Variants in GPR179 observed in about 807,000 individuals in gnomAD.
GPR179 encodes G protein-coupled receptor 179.
In GPR179, 52 loss-of-function variants were observed where a neutral mutation model predicts 70.8. The ratio of observed to expected loss-of-function variants is 0.73; its 90% CI spans 0.59 to 0.93. The LOEUF is 0.93. GPR179 is among the 40% of genes least tolerant of loss of function. GPR179 has a pLI of 0.00. For missense variants in GPR179, 2,734 were observed against 2,966.8 expected, an observed-to-expected ratio of 0.92 and a Z score of 1.82; for synonymous variants, 1,123 against 1,169.0, an observed-to-expected ratio of 0.96 and a Z score of 0.80.
rs1327810587 is a variant in GPR179 at position 38,324,855 on chromosome 17, C to T, written c.*1610G>A. Reference sequence around the variant, plus strand: ...CAAAGGAGAGTAGGTTACTCCATTCCTCTGTTCCCTTTTGGAAATGGAGTA... The same window carrying T: ...CAAAGGAGAGTAGGTTACTCCATTCTTCTGTTCCCTTTTGGAAATGGAGTA... On this transcript the variant is annotated 3_prime_UTR_variant, in exon 11 of 11. Coordinates refer to ENST00000616987, the MANE Select transcript of GPR179 (RefSeq NM_001004334.4). Among the ~76,000 whole-genome samples the T allele has an allele frequency of 6.6e-6, 1 of 152,244 alleles. No individual in the cohort carries two copies. The highest frequency in any genetic ancestry group is 1.5e-5 in the Non-Finnish European group (1 of 68,046).
chr17:38,331,635 C>G (rs1261985891), intron 10 of GPR179, 104 bp from the exon 11 acceptor site: 2 of 1,493,652 alleles, frequency 1.3e-6, no homozygotes, highest in Admixed American at 4.8e-5. Flanking sequence ...TTAGGGATCT[C>G]TTTCCATCAA....
In GPR179 at chr17:38,326,842, G is replaced by A; in HGVS notation, c.6727C>T (p.Pro2243Ser). The A allele has an allele frequency of 6.2e-7, 1 of 1,614,202 alleles. No homozygotes were observed. The highest frequency in any genetic ancestry group is 8.5e-7 in the Non-Finnish European group (1 of 1,180,032). ...GATGGGACTCCAGTTTCCTCCCCAGGACAGATGTCTGCCATGGTACCCTTT... is the reference window on the plus strand; with the variant it reads ...GATGGGACTCCAGTTTCCTCCCCAGAACAGATGTCTGCCATGGTACCCTTT... Reference protein sequence around the residue: ...KIKGTMADICPGEETGVPSEE... With the variant: ...KIKGTMADICSGEETGVPSEE... The change falls in exon 11 of 11, where the codon CCT (proline) becomes TCT (serine). Residue 2243 changes from proline (P) to serine (S), a missense_variant. Coordinates refer to ENST00000616987, the MANE Select transcript of GPR179 (RefSeq NM_001004334.4).
Position 38,334,065 on chromosome 17 carries a change from T to C in GPR179, c.1785-27A>G. On this transcript the variant is annotated intron_variant, in intron 8 of 10. Transcript: ENST00000616987. The surrounding 1 kb of genome is among the most constrained non-coding windows in gnomAD (Gnocchi z 4.7). ...TGGGGCGGGATAGGGGCGCAGGTCA[T>C]TACTGCAGGCAGGAGTTGCCTCTTC... The C allele has an allele frequency of 6.7e-7, 1 of 1,499,586 alleles. No individual in the cohort carries two copies. The highest frequency in any genetic ancestry group is 9.3e-7 in the Non-Finnish European group (1 of 1,075,994). 92.9% of individuals were successfully genotyped at this position (1,499,586 alleles called of 1,614,324 possible).
chr17:38,331,238 C>A lies in GPR179; in HGVS notation c.2331G>T (p.Gln777His), dbSNP rs1188720373. The change falls in exon 11 of 11, where the codon CAG (glutamine) becomes CAT (histidine). Residue 777 changes from glutamine to histidine, a missense_variant. Transcript: ENST00000616987. ...GAAGAGGCGGGTCCTGCTCCCTGCG[C>A]TGGTCATAGGTGCTGCGGGACTTGT... Reference protein sequence around the residue: ...ALHKSRSTYDQRREQDPPLLD... With the variant: ...ALHKSRSTYDHRREQDPPLLD... The A allele has an allele frequency of 7.6e-6, 12 of 1,588,914 alleles. No individual in the cohort carries two copies. In the South Asian group the frequency reaches 1.2e-4, roughly 17 times the overall value.
chr17:38,330,986 C>G lies in GPR179; in HGVS notation c.2583G>C (p.Glu861Asp). 1 of 1,612,208 alleles carries G rather than the reference C, an allele frequency of 6.2e-7. No homozygotes were observed. The highest frequency in any genetic ancestry group is 8.5e-7 in the Non-Finnish European group (1 of 1,179,804). The change falls in exon 11 of 11, where the codon GAG (glutamate) becomes GAC (aspartate). Residue 861 changes from glutamate (E) to aspartate (D), a missense_variant. Coordinates refer to ENST00000616987, the MANE Select transcript of GPR179 (RefSeq NM_001004334.4). ...CCCGCTCCTTTGCTTGCCGGTAGGT[C>G]TCCTCCAGGTAGGCCTGGCTGGCCA... The part of the protein sequence containing the change: ...LLMASQAYLE[E>D]TYRQAKEREE...
At position 38,333,321 on chromosome 17, in the gene GPR179, G is replaced by C; in HGVS notation, c.1967C>G (p.Ser656Ter). 6.2e-7 allele frequency: 1 copy of C among 1,614,096 alleles called. No individual in the cohort carries two copies. The highest frequency in any genetic ancestry group is 8.5e-7 in the Non-Finnish European group (1 of 1,179,976). Reference protein sequence around the residue: ...VCEDELDLQHSGSYLGSSIAS... With the variant: ...VCEDELDLQH ...GATGCTGCTGCCAAGGTAGGAGCCT[G>C]AGTGCTGCAGGTCCAGCTCGTCCTC... Residue 656 changes from serine (S) to a stop codon, truncating the protein, a stop_gained, in exon 10 of 11, where the codon TCA (serine) becomes TGA (stop). Transcript: ENST00000616987. LOFTEE classifies it high-confidence loss of function.
rs2037360159 is a variant in GPR179, at chr17:38,331,477, C to T, written c.2092G>A (p.Ala698Thr). 1 of 1,613,804 alleles carries T rather than the reference C, an allele frequency of 6.2e-7. No individual in the cohort carries two copies. Among genetic ancestry groups the T allele is most frequent in the Admixed American group, 1.7e-5 (1 of 59,994 alleles). Residue 698 changes from alanine to threonine, a missense_variant, in exon 11 of 11, where the codon GCC (alanine) becomes ACC (threonine). Transcript: ENST00000616987. The part of the protein sequence containing the change: ...QLEVHKTKEM[A>T]ANNPHLPKKR... ...TTGGGCAGGTGGGGGTTGTTTGCGG[C>T]CATTTCCTTGGTTTTGTGGACCTCT...
rs1567723626 is a variant in GPR179, at chr17:38,330,195, G to A, written c.3374C>T (p.Ala1125Val). The stretch of plus-strand genomic sequence containing the variant: ...GCCTAGCCTGGGCGATCGGGAGGGT[G>A]CCCCCATACTCTCTCCCGCAGTCCC... ...NSGTAGESMGAPSRSPRLGRP... is the reference protein window; with the variant it reads ...NSGTAGESMGVPSRSPRLGRP... Residue 1125 changes from alanine (A) to valine (V), a missense_variant, in exon 11 of 11, where the codon GCA (alanine) becomes GTA (valine). By Grantham distance (64) the Ala-to-Val change is moderately conservative. Transcript: ENST00000616987. 1 of 1,568,896 alleles carries A rather than the reference G, an allele frequency of 6.4e-7. No homozygotes were observed. The highest frequency in any genetic ancestry group is 1.2e-5 in the South Asian group (1 of 83,212).
At chr17:38,336,250 C>CAGTGA in intron 4 of GPR179, 106 bp from the exon 5 acceptor site, 1 of 796,126 alleles carries the variant, frequency 1.3e-6, no homozygotes, top group Middle Eastern at 2.3e-4. Context: ...AAGGCTTCAC[C>CAGTGA]CTGTAACACT....
rs750988170 is a variant in GPR179 at position 38,343,381 on chromosome 17, C to A, written c.409G>T (p.Val137Leu). The A allele has an allele frequency of 6.2e-7, 1 of 1,614,066 alleles. No individual in the cohort carries two copies. Among genetic ancestry groups the A allele is most frequent in the African/African-American group, 1.3e-5 (1 of 74,924 alleles). Residue 137 changes from valine (V) to leucine (L), a missense_variant, in exon 1 of 11, where the codon GTG (valine) becomes TTG (leucine). By Grantham distance (32) the Val-to-Leu change is conservative. Coordinates refer to ENST00000616987, the MANE Select transcript of GPR179 (RefSeq NM_001004334.4). The surrounding 1 kb of genome is among the most constrained non-coding windows in gnomAD (Gnocchi z 4.2). ...VEWYQALVRS[V>L]AEGDPRVYRA... ...TACACTCTTGGGTCCCCCTCGGCCA[C>A]GCTGCGGACCAGTGCCTGGTACCAT...
Position 38,329,709 on chromosome 17 carries a change from T to G in GPR179, c.3860A>C (p.Gln1287Pro). ...RALRQDPGDS[Q>P]KKRGEARGKS... ...TCCCCGGGCCTCCCCTCTCTTTTTTTGGGAGTCACCTGGGTCTTGTCTTAG... is the reference window on the plus strand; with the variant it reads ...TCCCCGGGCCTCCCCTCTCTTTTTTGGGGAGTCACCTGGGTCTTGTCTTAG... Residue 1287 changes from glutamine (Q) to proline (P), a missense_variant, in exon 11 of 11, where the codon CAA (glutamine) becomes CCA (proline). Physicochemically the swap from Gln to Pro is moderately conservative, Grantham distance 76 (BLOSUM62 -1). Transcript: ENST00000616987. 2 of 1,614,186 alleles carry G rather than the reference T, an allele frequency of 1.2e-6. No homozygotes were observed. The highest frequency in any genetic ancestry group is 1.1e-5 in the South Asian group (1 of 91,080).
Position 38,335,102 on chromosome 17 carries a change from C to A in GPR179, c.1576G>T (p.Gly526Cys). 1 of 1,612,296 alleles carries A rather than the reference C, an allele frequency of 6.2e-7. No homozygotes were observed. The highest frequency in any genetic ancestry group is 1.6e-4 in the Middle Eastern group (1 of 6,062). ...AAATGGCGGCCACTGGGAGTGTGGC[C>A]TCGGATCACCAGAGGTGCGTGCTGG... ...GIQHAPLVIRGHTPSGRHFYL... is the reference protein window; with the variant it reads ...GIQHAPLVIRCHTPSGRHFYL... Residue 526 changes from glycine (G) to cysteine (C), a missense_variant, in exon 7 of 11, where the codon GGC becomes TGC. Physicochemically the swap from Gly to Cys is radical, Grantham distance 159 (BLOSUM62 -3). Transcript: ENST00000616987.
chr17:38,335,256 A>G lies in GPR179; in HGVS notation c.1422T>C (p.Phe474=), dbSNP rs551130006. 1.9e-5 allele frequency: 29 copies of G among 1,550,910 alleles called. No individual in the cohort carries two copies. The South Asian group carries it at 2.6e-4, about 14-fold the overall frequency. ...ILKLYRVLQL[F]LSRTAQRSAL... ...CACTCCGCTGGGCCGTTCGAGACAG[A>G]AACAGCTGCAGCACTCTGCGAGGGT... The change falls in exon 7 of 11, where the codon TTT becomes TTC. Residue 474 remains phenylalanine, a synonymous_variant. Coordinates refer to ENST00000616987, the MANE Select transcript of GPR179 (RefSeq NM_001004334.4).
Position 38,337,661 on chromosome 17 carries a change from A to ATT in GPR179, c.962_963insAA (p.Gly322MetfsTer12). On this transcript the variant is annotated frameshift_variant, in exon 3 of 11. Transcript: ENST00000616987. LOFTEE classifies it high-confidence loss of function. Reference sequence around the variant, plus strand: ...CAGAGGGGCTTGCCCCGTAGAATCCAGGTCGGCAGCGGCAGAGGTAGCGGC... The same window carrying ATT: ...CAGAGGGGCTTGCCCCGTAGAATCCATTGGTCGGCAGCGGCAGAGGTAGCGGC... The ATT allele has an allele frequency of 6.2e-7, 1 of 1,602,648 alleles. No homozygotes were observed.
intron 1 of GPR179, among the ~76,000 whole-genome samples, chr17:38,342,252 TC>T (rs1373211619): frequency 6.6e-6 from 1 of 151,338 alleles, no homozygotes; most frequent in Admixed American, 6.6e-5. Context: ...GTCACTGTCA[TC>T]CACACCAAGA....
rs377272094 is a variant in GPR179 at position 38,337,636 on chromosome 17, C to G, written c.988G>C (p.Gly330Arg). The G allele has an allele frequency of 1.2e-6, 2 of 1,608,426 alleles. No individual in the cohort carries two copies. Among genetic ancestry groups the G allele is most frequent in the East Asian group, 2.3e-5 (1 of 44,390 alleles). The change falls in exon 3 of 11, where the codon GGG (glycine) becomes CGG (arginine). Residue 330 changes from glycine to arginine, a missense_variant. Gly to Arg is a moderately radical substitution (Grantham distance 125). Coordinates refer to ENST00000616987, the MANE Select transcript of GPR179 (RefSeq NM_001004334.4). ...RPGFYGASPSGGLEESDFQTT... is the reference protein window; with the variant it reads ...RPGFYGASPSRGLEESDFQTT... ...GGCCCCCACCACACTTACATACCCC[C>G]AGAGGGGCTTGCCCCGTAGAATCCA...
In GPR179 at chr17:38,328,201, C is replaced by T; in HGVS notation, c.5368G>A (p.Glu1790Lys). The stretch of plus-strand genomic sequence containing the variant: ...GGCCTGCAGCCCATATGATCCAGTT[C>T]CTGGAACCCAGCTTTTGGTCCATCA... Reference protein sequence around the residue: ...DADGPKAGFQELDHMGCRPGE... With the variant: ...DADGPKAGFQKLDHMGCRPGE... Residue 1790 changes from glutamate to lysine, a missense_variant, in exon 11 of 11, where the codon GAA (glutamate) becomes AAA (lysine). Coordinates refer to ENST00000616987, the MANE Select transcript of GPR179 (RefSeq NM_001004334.4). 2.5e-6 allele frequency: 4 copies of T among 1,613,390 alleles called. No homozygotes were observed. The highest frequency in any genetic ancestry group is 3.4e-6 in the Non-Finnish European group (4 of 1,179,972).
Position 38,329,920 on chromosome 17 carries a change from C to G in GPR179, c.3649G>C (p.Glu1217Gln). 1 of 1,614,226 alleles carries G rather than the reference C, an allele frequency of 6.2e-7. No individual in the cohort carries two copies. Among genetic ancestry groups the G allele is most frequent in the Non-Finnish European group, 8.5e-7 (1 of 1,180,040 alleles). ...SRDKNIKQSK[E>Q]TPVGWQELPK... ...AGTTCCTGCCACCCGACAGGGGTTTCTTTTGATTGCTTGATGTTTTTGTCC... is the reference window on the plus strand; with the variant it reads ...AGTTCCTGCCACCCGACAGGGGTTTGTTTTGATTGCTTGATGTTTTTGTCC... The change falls in exon 11 of 11, where the codon GAA becomes CAA. Residue 1217 changes from glutamate to glutamine, a missense_variant. Glu to Gln is a conservative substitution (Grantham distance 29, BLOSUM62 2). Coordinates refer to ENST00000616987, the MANE Select transcript of GPR179 (RefSeq NM_001004334.4).
Position 38,327,241 on chromosome 17 carries a change from T to C in GPR179, c.6328A>G (p.Arg2110Gly). ...SSEAAGSVET[R>G]VAEVCLWEVV... ...TCCCACAGACACACTTCCGCTACCCTGGTCTCCACACTGCCTGCTGCCTCA... is the reference window on the plus strand; with the variant it reads ...TCCCACAGACACACTTCCGCTACCCCGGTCTCCACACTGCCTGCTGCCTCA... The change falls in exon 11 of 11, where the codon AGG (arginine) becomes GGG (glycine). Residue 2110 changes from arginine to glycine, a missense_variant. Coordinates refer to ENST00000616987, the MANE Select transcript of GPR179 (RefSeq NM_001004334.4). 6.2e-7 allele frequency: 1 copy of C among 1,614,254 alleles called. No individual in the cohort carries two copies.
Sources: gnomAD v4.1 joint callset for allele counts (sites outside exome capture counted in the v4.1 genomes callset) on GRCh38, gnomAD v4.1.1 for gene constraint, Gnocchi (gnomAD v3.1) non-coding constraint, MANE v1.5 for transcripts, NCBI Gene and HGNC (gene_info 2026-07-23, HGNC 2026-07-21) for gene names.